DLG1: variants seen among roughly 807,000 people sequenced by gnomAD.
DLG1 encodes disks large homolog 1.
In DLG1, 42 loss-of-function variants were observed where a neutral mutation model predicts 123.4. That is an observed-to-expected ratio of 0.34 (90% confidence interval 0.27 to 0.44). DLG1 has a LOEUF of 0.44. Ranked by LOEUF, DLG1 falls within the 20% of genes least tolerant of loss-of-function variation. DLG1 has a pLI of 1.00. For synonymous variants in DLG1, 317 were observed against 356.2 expected, an observed-to-expected ratio of 0.89 and a Z score of 1.24; for missense variants, 942 against 1,082.6, an observed-to-expected ratio of 0.87 and a Z score of 1.82.
chr3:197,205,528 GA>G (rs1057471818), intron 4 of DLG1, among the ~76,000 whole-genome samples: 1 of 151,626 alleles, frequency 6.6e-6, no homozygotes, highest in Non-Finnish European at 1.5e-5. Flanking sequence ...AAGTCAGAAG[GA>G]AAAAAAATTA....
At chr3:197,045,959 CGTT>C (rs893548603) in intron 24 of DLG1, among the ~76,000 whole-genome samples, 2 of 152,108 alleles carry the variant, frequency 1.3e-5, no homozygotes, top group African/African-American at 4.8e-5. Context: ...AGAAGAAAGA[CGTT>C]GTATGTAGGT....
At chr3:197,078,868 G>A (rs1272238440) in intron 17 of DLG1, among the ~76,000 whole-genome samples, 1 of 152,142 alleles carries the variant, frequency 6.6e-6, no homozygotes, top group Non-Finnish European at 1.5e-5. Context: ...GTCAGAGTCA[G>A]TTTCACAGCA....
chr3:197,197,740 T>C (rs1265770967), intron 4 of DLG1, among the ~76,000 whole-genome samples: 6 of 152,196 alleles, frequency 3.9e-5, no homozygotes, highest in African/African-American at 1.4e-4. Context: ...ACCTCCTGAT[T>C]TTGAAACTTA....
chr3:197,139,447 T>C (rs1786845082), intron 8 of DLG1, among the ~76,000 whole-genome samples: 1 of 152,164 alleles, frequency 6.6e-6, no homozygotes, highest in African/African-American at 2.4e-5. Context: ...TAAGATGCTG[T>C]TTTTAACAGA....
chr3:197,122,687 G>A (rs1453314042), intron 11 of DLG1, among the ~76,000 whole-genome samples: 1 of 151,962 alleles, frequency 6.6e-6, no homozygotes, highest in East Asian at 1.9e-4. Flanking sequence ...ATAATAGCAT[G>A]AAAAACATCA....
rs74692491 is a variant in DLG1, at chr3:197,229,579, G to A, written c.319-34990C>T. Among the ~76,000 whole-genome samples, 185 of 151,688 alleles carry A rather than the reference G, an allele frequency of 1.2e-3. 2 individuals are homozygous for A. The East Asian group carries it at 0.029, about 24-fold the overall frequency. On this transcript the variant is annotated intron_variant, in intron 4 of 24. Coordinates refer to ENST00000667157, the MANE Select transcript of DLG1 (RefSeq NM_001366207.1). ...CCACAAAGATTAAATTCCTGGCCTCGTTGGATATTAATCAGTTTCTTATCT... is the reference window on the plus strand; with the variant it reads ...CCACAAAGATTAAATTCCTGGCCTCATTGGATATTAATCAGTTTCTTATCT...
chr3:197,044,832 TCATCC>T, intron 24 of DLG1, 103 bp from the exon 25 acceptor site: 1 of 620,924 alleles, frequency 1.6e-6, no homozygotes, highest in Non-Finnish European at 2.6e-6. Flanking sequence ...AAAAAGTTAC[TCATCC>T]AGGAAGAATC....
chr3:197,124,575 CTTTTTT>C (rs1778073599), intron 11 of DLG1, among the ~76,000 whole-genome samples: 1 of 151,738 alleles, frequency 6.6e-6, no homozygotes. Context: ...TGCCTGGTCT[CTTTTTT>C]AAGAGATGGG....
intron 4 of DLG1, among the ~76,000 whole-genome samples, chr3:197,268,136 A>G (rs571002607): frequency 7.9e-5 from 12 of 152,322 alleles, no homozygotes; most frequent in Admixed American, 7.2e-4. Flanking sequence ...AGCACATGAG[A>G]TATCACTGCT....
intron 4 of DLG1, among the ~76,000 whole-genome samples, chr3:197,213,412 G>T (rs992593164): frequency 6.6e-6 from 1 of 152,148 alleles, no homozygotes; most frequent in Non-Finnish European, 1.5e-5. Context: ...GGAGTGGAGG[G>T]CTGAATGAAT....
intron 11 of DLG1, among the ~76,000 whole-genome samples, chr3:197,125,408 C>T (rs1039765621): frequency 1.3e-5 from 2 of 151,874 alleles, no homozygotes; most frequent in South Asian, 2.1e-4. Context: ...GATTCTGCTG[C>T]GAAGAAGAAG....
intron 23 of DLG1, among the ~76,000 whole-genome samples, chr3:197,054,640 C>CT (rs889228828): frequency 4.0e-5 from 6 of 151,606 alleles, no homozygotes; most frequent in African/African-American, 7.3e-5. Flanking sequence ...TCTTTTTCAT[C>CT]TTTTTTTTCC....
intron 4 of DLG1, among the ~76,000 whole-genome samples, chr3:197,211,903 T>C (rs944085699): frequency 6.8e-6 from 1 of 146,708 alleles, no homozygotes; most frequent in African/African-American, 2.4e-5. Flanking sequence ...TGGGATACCA[T>C]GCAGCCCTGA....
At chr3:197,244,001 T>C (rs1750309984) in intron 4 of DLG1, among the ~76,000 whole-genome samples, 1 of 152,184 alleles carries the variant, frequency 6.6e-6, no homozygotes, top group South Asian at 2.1e-4. Flanking sequence ...CTCCAGTTAC[T>C]TGGCAGAGTA....
rs535908590 is a variant in DLG1 at position 197,215,602 on chromosome 3, G to A, written c.319-21013C>T. Reference sequence around the variant, plus strand: ...CATAACGGTCAGTTAACAGAGTTACGAAAGAAAAAAAGAAAAGAAAAATAA... The same window carrying A: ...CATAACGGTCAGTTAACAGAGTTACAAAAGAAAAAAAGAAAAGAAAAATAA... On this transcript the variant is annotated intron_variant, in intron 4 of 24. Coordinates refer to ENST00000667157, the MANE Select transcript of DLG1 (RefSeq NM_001366207.1). 1.0e-3 allele frequency among the ~76,000 whole-genome samples: 154 copies of A among 151,398 alleles called. 1 individual carries two copies. Among genetic ancestry groups the A allele is most frequent in the African/African-American group, 3.1e-3 (130 of 41,314 alleles).
intron 23 of DLG1, among the ~76,000 whole-genome samples, chr3:197,057,638 T>TA (rs1189846299): frequency 6.6e-6 from 1 of 152,240 alleles, no homozygotes; most frequent in Non-Finnish European, 1.5e-5. Flanking sequence ...TTCATTTTTT[T>TA]AACCTGTATT....
chr3:197,080,140 G>T (rs1186094370), intron 17 of DLG1, among the ~76,000 whole-genome samples: 2 of 151,598 alleles, frequency 1.3e-5, no homozygotes, highest in African/African-American at 2.4e-5. Context: ...CACCAATACG[G>T]GATGAAGCCT....
chr3:197,225,360 A>G (rs888479994), intron 4 of DLG1, among the ~76,000 whole-genome samples: 18 of 152,220 alleles, frequency 1.2e-4, no homozygotes, highest in African/African-American at 4.3e-4. Context: ...AGTTTCATTT[A>G]TAGGAAATGA....
chr3:197,135,769 A>G (rs570370473), intron 10 of DLG1, among the ~76,000 whole-genome samples: 1 of 152,296 alleles, frequency 6.6e-6, no homozygotes, highest in East Asian at 1.9e-4. Flanking sequence ...AAGCTTCAAA[A>G]CAAATAATAC....
Sources: gnomAD v4.1 joint callset for allele counts (sites outside exome capture counted in the v4.1 genomes callset) on GRCh38, gnomAD v4.1.1 for gene constraint, MANE v1.5 for transcripts, NCBI Gene and HGNC (gene_info 2026-07-23, HGNC 2026-07-21) for gene names.